SPAG1: variants seen among roughly 807,000 people sequenced by gnomAD.
SPAG1 encodes the protein sperm associated antigen 1, also known as sperm-associated antigen 1.
SPAG1 carries 69 observed loss-of-function variants against 100.5 expected under a neutral mutation model. The observed-to-expected ratio is 0.69, with a 90% CI of 0.57 to 0.84. The LOEUF (loss-of-function observed/expected upper bound fraction) is 0.84, where lower values mean the gene tolerates loss of function less well. SPAG1 is among the 40% of genes least tolerant of loss of function. The probability of loss-of-function intolerance (pLI) is 0.00; values close to 1 mark genes in which losing one functional copy is unlikely to be tolerated. For missense variants in SPAG1, 955 were observed against 1,133.1 expected, an observed-to-expected ratio of 0.84 and a Z score of 2.26; for synonymous variants, 336 against 411.6, an observed-to-expected ratio of 0.82 and a Z score of 2.22.
rs529190584 is a variant in SPAG1, at chr8:100,239,589, A to G, written c.2280+185A>G. The stretch of plus-strand genomic sequence containing the variant: ...TGATAATTAGCCATTGTATTTCCCA[A>G]CGTGGGTCCATGGATGGTACTGGGA... On this transcript the variant is annotated intron_variant, in intron 17 of 18. Transcript: ENST00000388798. This position sits in a 1 kb window ranked among gnomAD's most constrained non-coding sequence, Gnocchi z 5.0. Among the ~76,000 whole-genome samples the G allele has an allele frequency of 1.6e-4, 25 of 152,302 alleles. No individual in the cohort carries two copies. The highest frequency in any genetic ancestry group is 7.8e-4 in the Admixed American group (12 of 15,306).
chr8:100,226,923 T>C (rs1387640878), intron 14 of SPAG1, among the ~76,000 whole-genome samples: 1 of 152,212 alleles, frequency 6.6e-6, no homozygotes, highest in African/African-American at 2.4e-5. Context: ...ACTGTAAAGG[T>C]ACTATACTCT....
chr8:100,199,833 T>C lies in SPAG1; in HGVS notation c.1096+5565T>C, dbSNP rs531416749. ...TATATTCTAGATACTAGACCCTTAT[T>C]AAATATGATTTGCAAATACTTTTCC... On this transcript the variant is annotated intron_variant, in intron 10 of 18. Transcript: ENST00000388798. Among the ~76,000 whole-genome samples the C allele has an allele frequency of 3.9e-5, 6 of 152,356 alleles. No homozygotes were observed. In the East Asian group the frequency reaches 1.2e-3, roughly 29 times the overall value.
At chr8:100,199,740 CTCA>C (rs1291417302) in intron 10 of SPAG1, among the ~76,000 whole-genome samples, 3 of 152,216 alleles carry the variant, frequency 2.0e-5, no homozygotes, top group African/African-American at 7.2e-5. Context: ...AGCCACTGCG[CTCA>C]GCCTCTTTGC....
Position 100,162,243 on chromosome 8 carries a change from A to G in SPAG1, c.-2-36A>G, listed in dbSNP as rs181922424. ...ACTATCCAAATTGAGTATTATTTATACATTAGATTAATAACTTTTAAATAT... is the reference window on the plus strand; with the variant it reads ...ACTATCCAAATTGAGTATTATTTATGCATTAGATTAATAACTTTTAAATAT... On this transcript the variant is annotated intron_variant, in intron 1 of 18. Transcript: ENST00000388798. 8.3e-6 allele frequency: 12 copies of G among 1,445,962 alleles called. No homozygotes were observed. In the East Asian group the frequency reaches 2.9e-4, roughly 35 times the overall value. The allele number at this position is 1,445,962 out of a possible 1,614,324, so 89.6% of individuals were successfully genotyped here. A position where few individuals can be genotyped will look rare whatever the true frequency, so the allele number is the denominator to read the frequency against.
At chr8:100,158,434 C>A (rs1815157101), upstream of SPAG1, 1 of 152,248 alleles carries the variant, frequency 6.6e-6, no homozygotes, top group Admixed American at 6.5e-5. Context: ...CTGTGGGGCT[C>A]CCCAGTCCCG....
intron 3 of SPAG1, among the ~76,000 whole-genome samples, chr8:100,174,997 G>A (rs1355252277): frequency 6.8e-6 from 1 of 146,126 alleles, no homozygotes; most frequent in Non-Finnish European, 1.5e-5. Flanking sequence ...CTTAGAGATG[G>A]GATCTTGCCA....
chr8:100,214,557 T>A (rs1021258734), intron 12 of SPAG1, among the ~76,000 whole-genome samples: 6 of 152,224 alleles, frequency 3.9e-5, no homozygotes, highest in African/African-American at 7.2e-5. Flanking sequence ...CTCTAAGTCC[T>A]GTTATCCACT....
intron 2 of SPAG1, among the ~76,000 whole-genome samples, chr8:100,164,581 C>T (rs142297833): frequency 9.2e-5 from 14 of 152,064 alleles, no homozygotes; most frequent in African/African-American, 9.7e-5. Context: ...CCTGCCACCA[C>T]GCCCGGCTAA....
chr8:100,231,060 T>A, intron 14 of SPAG1, 96 bp from the exon 15 acceptor site: 1 of 1,112,216 alleles, frequency 9.0e-7, no homozygotes, highest in South Asian at 2.3e-5. Flanking sequence ...TGTGGTCAAG[T>A]TAATTTGCAA....
chr8:100,160,878 C>T (rs569909477), intron 1 of SPAG1, among the ~76,000 whole-genome samples: 2 of 152,320 alleles, frequency 1.3e-5, no homozygotes, highest in South Asian at 4.1e-4. Flanking sequence ...ACAACCTTCT[C>T]TGTCATTGTA....
intron 10 of SPAG1, among the ~76,000 whole-genome samples, chr8:100,198,932 T>C (rs1408468989): frequency 6.6e-6 from 1 of 152,252 alleles, no homozygotes; most frequent in Non-Finnish European, 1.5e-5. Flanking sequence ...GGTTCATCTA[T>C]GTTGCATCTT....
intron 14 of SPAG1, among the ~76,000 whole-genome samples, chr8:100,230,633 AT>A (rs1022449627): frequency 2.6e-5 from 4 of 152,104 alleles, no homozygotes; most frequent in Non-Finnish European, 2.9e-5. Context: ...ATCTTATTTT[AT>A]TTTTTTGAGA....
intron 2 of SPAG1, among the ~76,000 whole-genome samples, chr8:100,164,385 A>G (rs1815451184): frequency 1.3e-5 from 2 of 152,222 alleles, no homozygotes; most frequent in African/African-American, 4.8e-5. Context: ...TATATGATAC[A>G]TGAGATTTGA....
At chr8:100,213,573 G>A (rs1197472548) in intron 11 of SPAG1, 145 bp downstream of exon 11, 6 of 716,144 alleles carry the variant, frequency 8.4e-6, no homozygotes, top group African/African-American at 1.9e-5. Flanking sequence ...TAAGAGCGCC[G>A]TGCCACCTGA....
At chr8:100,208,540 G>C (rs1461231123) in intron 10 of SPAG1, among the ~76,000 whole-genome samples, 9 of 152,176 alleles carry the variant, frequency 5.9e-5, no homozygotes, top group African/African-American at 1.9e-4. Context: ...ATATAGAATG[G>C]GTAGTAGAAG....
chr8:100,237,897 G>A (rs1450194767), intron 16 of SPAG1, among the ~76,000 whole-genome samples: 2 of 152,118 alleles, frequency 1.3e-5, no homozygotes, highest in East Asian at 3.9e-4. Flanking sequence ...CAAGGCTGTG[G>A]CTCACAGGTC....
chr8:100,166,337 C>T (rs1255217779), intron 3 of SPAG1, among the ~76,000 whole-genome samples: 3 of 152,064 alleles, frequency 2.0e-5, no homozygotes, highest in African/African-American at 7.2e-5. Context: ...TGGCTCACTG[C>T]AACCTCTGCC....
intron 10 of SPAG1, among the ~76,000 whole-genome samples, chr8:100,199,996 G>C (rs892634926): frequency 6.6e-6 from 1 of 150,766 alleles, no homozygotes; most frequent in Non-Finnish European, 1.5e-5. Flanking sequence ...TGTGCACAAC[G>C]TGCAGGTTTG....
Position 100,213,219 on chromosome 8 carries a change from C to G in SPAG1, c.1226C>G (p.Thr409Ser), listed in dbSNP as rs544372581. The G allele has an allele frequency of 4.0e-4, 559 of 1,400,556 alleles. 2 individuals carry two copies. The African/African-American group carries it at 7.2e-3, about 18-fold the overall frequency. 86.8% of individuals were successfully genotyped at this position (1,400,556 alleles called of 1,614,324 possible). Residue 409 changes from threonine (T) to serine (S), a missense_variant, in exon 11 of 19, where the codon ACC (threonine) becomes AGC (serine). Thr to Ser is a moderately conservative substitution (Grantham distance 58). Transcript: ENST00000388798. ...PARGAPQRGQ[T>S]PEAGADKRSP... ...AGGGGCGCGCCGCAGCGGGGCCAGA[C>G]CCCGGAGGCCGGCGCGGACAAGCGG...
Sources: gnomAD v4.1 joint callset for allele counts (sites outside exome capture counted in the v4.1 genomes callset) on GRCh38, gnomAD v4.1.1 for gene constraint, Gnocchi (gnomAD v3.1) non-coding constraint, MANE v1.5 for transcripts, NCBI Gene and HGNC (gene_info 2026-07-23, HGNC 2026-07-21) for gene names.